The following GPM6A variants were observed in gnomAD, a reference collection of about 807,000 sequenced individuals.
GPM6A encodes the protein glycoprotein M6A.
GPM6A carries 7 observed loss-of-function variants against 32.1 expected under a neutral mutation model. The observed-to-expected ratio is 0.22, with a 90% CI of 0.12 to 0.41. The LOEUF (loss-of-function observed/expected upper bound fraction) is 0.41, where lower values mean the gene tolerates loss of function less well. Ranked by LOEUF, GPM6A falls within the 10% of genes least tolerant of loss-of-function variation. The pLI is 1.00. For missense variants in GPM6A, 235 were observed against 347.2 expected, an observed-to-expected ratio of 0.68 and a Z score of 2.57; for synonymous variants, 130 against 123.4, an observed-to-expected ratio of 1.05 and a Z score of -0.35.
At chr4:175,900,629 T>C (rs1737933870) in intron 1 of GPM6A, among the ~76,000 whole-genome samples, 2 of 152,124 alleles carry the variant, frequency 1.3e-5, no homozygotes, top group South Asian at 4.1e-4. Flanking sequence ...TAACAAATGC[T>C]GGCAAGGATG....
chr4:175,900,620 A>G (rs1299621423), intron 1 of GPM6A, among the ~76,000 whole-genome samples: 1 of 152,192 alleles, frequency 6.6e-6, no homozygotes, highest in Non-Finnish European at 1.5e-5. Flanking sequence ...GATAGGCAAT[A>G]ACAAATGCTG....
intron 1 of GPM6A, among the ~76,000 whole-genome samples, chr4:175,764,871 A>ATTATTC (rs1355737050): frequency 6.8e-6 from 1 of 147,544 alleles, no homozygotes. Flanking sequence ...TATTATTATT[A>ATTATTC]TTATTATTAT....
chr4:175,708,154 G>A (rs997451292), intron 1 of GPM6A, among the ~76,000 whole-genome samples: 1 of 152,056 alleles, frequency 6.6e-6, no homozygotes, highest in Non-Finnish European at 1.5e-5. Context: ...GTGCAAGCAA[G>A]ATTATAAACA....
At chr4:175,637,855 T>C (rs1238968165) in intron 6 of GPM6A, among the ~76,000 whole-genome samples, 1 of 122,514 alleles carries the variant, frequency 8.2e-6, no homozygotes, top group Non-Finnish European at 1.6e-5. Context: ...ATATAAAATA[T>C]ATAATCTATT....
chr4:175,981,357 T>C (rs946467644), intron 1 of GPM6A, among the ~76,000 whole-genome samples: 2 of 152,164 alleles, frequency 1.3e-5, no homozygotes, highest in Non-Finnish European at 2.9e-5. Flanking sequence ...ATCATTGTAA[T>C]TGAGAGATAG....
rs559753948 is a variant in GPM6A at position 175,927,217 on chromosome 4, G to A, written c.-23+75092C>T. Among the ~76,000 whole-genome samples, 7 of 152,290 alleles carry A rather than the reference G, an allele frequency of 4.6e-5. 1 individual carries two copies. Among genetic ancestry groups the A allele is most frequent in the East Asian group, 1.9e-4 (1 of 5,180 alleles). The stretch of plus-strand genomic sequence containing the variant: ...ACTGCCTATTAGGACGGAAGGACAC[G>A]GCTTTGAGAAAATGATTCTTTCTAT... On this transcript the variant is annotated intron_variant, in intron 1 of 7. Coordinates refer to the GPM6A transcript ENST00000280187.
rs774798551 is a variant in GPM6A at position 175,634,961 on chromosome 4, C to G, written c.781G>C (p.Glu261Gln). The change falls in exon 7 of 7, where the codon GAG becomes CAG. Residue 261 changes from glutamate (E) to glutamine (Q), a missense_variant. This residue lies in a region of GPM6A where 27 missense variants were observed against 59.4 expected (regional missense o/e 0.45). Transcript: ENST00000393658. The stretch of plus-strand genomic sequence containing the variant: ...CGAGTAGAGTGGATGTCATGAAGCT[C>G]TTGCTCTTCCTTCGACTTGATGTCT... ...YEDIKSKEEQ[E>Q]LHDIHSTRSK... 1 of 1,613,854 alleles carries G rather than the reference C, an allele frequency of 6.2e-7. No homozygotes were observed. The highest frequency in any genetic ancestry group is 2.2e-5 in the East Asian group (1 of 44,860).
At chr4:175,772,374 G>A (rs1410281626) in intron 1 of GPM6A, among the ~76,000 whole-genome samples, 1 of 152,218 alleles carries the variant, frequency 6.6e-6, no homozygotes. Flanking sequence ...TTAGGAGGAT[G>A]AAGAGCAATG....
intron 1 of GPM6A, among the ~76,000 whole-genome samples, chr4:175,927,811 C>A (rs911210204): frequency 2.6e-5 from 4 of 152,058 alleles, no homozygotes; most frequent in South Asian, 2.1e-4. Flanking sequence ...CTTGAACCTG[C>A]GAGGCGGAGG....
intron 1 of GPM6A, among the ~76,000 whole-genome samples, chr4:175,835,898 A>G (rs1735754010): frequency 6.6e-6 from 1 of 151,200 alleles, no homozygotes; most frequent in South Asian, 2.1e-4. Context: ...TTTACCCAAA[A>G]GCCAGAAAGA....
chr4:175,680,829 T>A (rs1743644498), intron 2 of GPM6A, among the ~76,000 whole-genome samples: 1 of 152,202 alleles, frequency 6.6e-6, no homozygotes, highest in African/African-American at 2.4e-5. Flanking sequence ...ACATGAAATG[T>A]GCATACTCCA....
chr4:175,744,009 A>G (rs1731995561), intron 1 of GPM6A, among the ~76,000 whole-genome samples: 1 of 152,010 alleles, frequency 6.6e-6, no homozygotes, highest in Admixed American at 6.6e-5. Flanking sequence ...GATGAACAAA[A>G]AGGTTAACAA....
intron 1 of GPM6A, among the ~76,000 whole-genome samples, chr4:175,858,578 G>A (rs1221507176): frequency 6.6e-6 from 1 of 151,798 alleles, no homozygotes; most frequent in Non-Finnish European, 1.5e-5. Flanking sequence ...ATAACCAAGT[G>A]CTGGTGAGGA....
At chr4:175,669,672 A>G (rs73875122) in intron 3 of GPM6A, among the ~76,000 whole-genome samples, 4,277 of 152,288 alleles carry the variant, frequency 0.028, 78 homozygotes, top group Non-Finnish European at 0.038. Flanking sequence ...CATTACTGTT[A>G]TCATAAGACT....
At position 175,678,592 on chromosome 4, in the gene GPM6A, G is replaced by T. The variant is rs546323433; in HGVS notation, c.231-4756C>A. Among the ~76,000 whole-genome samples the T allele has an allele frequency of 1.4e-4, 22 of 152,264 alleles. No individual in the cohort carries two copies. In the South Asian group the frequency reaches 4.4e-3, roughly 30 times the overall value. The stretch of plus-strand genomic sequence containing the variant: ...AACTTGGTAATGGTAATGTCCCAGA[G>T]CAATTGTTTAGTGGCTGACTTTCAC... On this transcript the variant is annotated intron_variant, in intron 2 of 6. Transcript: ENST00000393658.
At chr4:175,838,228 G>T (rs1453182978) in intron 1 of GPM6A, among the ~76,000 whole-genome samples, 8 of 150,720 alleles carry the variant, frequency 5.3e-5, no homozygotes, top group Non-Finnish European at 1.2e-4. Context: ...AGCACTTCTT[G>T]ATCTATTCAT....
chr4:175,979,742 A>G (rs116828982), intron 1 of GPM6A, among the ~76,000 whole-genome samples: 1,812 of 152,332 alleles, frequency 0.012, 30 homozygotes, highest in African/African-American at 0.042. Flanking sequence ...TATGATGCTG[A>G]AAATATCAAT....
intron 1 of GPM6A, among the ~76,000 whole-genome samples, chr4:175,966,618 GC>G (rs1467786053): frequency 6.6e-6 from 1 of 151,666 alleles, no homozygotes; most frequent in African/African-American, 2.4e-5. Flanking sequence ...GTGAGGACAA[GC>G]AAGAAGACCA....
At chr4:175,779,197 C>G (rs1215750876) in intron 1 of GPM6A, among the ~76,000 whole-genome samples, 2 of 152,130 alleles carry the variant, frequency 1.3e-5, no homozygotes, top group African/African-American at 4.8e-5. Context: ...AGTTTCTCAC[C>G]ATAGTGCCTG....
Sources: allele counts gnomAD v4.1 joint callset (sites outside exome capture counted in the v4.1 genomes callset), GRCh38; gene constraint gnomAD v4.1.1; regional missense constraint gnomAD v4.1.1; transcripts MANE v1.5; gene names NCBI Gene and HGNC (gene_info 2026-07-23, HGNC 2026-07-21).